The following ARHGEF4 variants were observed in gnomAD, a reference collection of about 807,000 sequenced individuals.
ARHGEF4 encodes APC-stimulated guanine nucleotide exchange factor 1.
Under a neutral mutation model 162.0 loss-of-function variants are expected in ARHGEF4, and 119 were observed. The observed-to-expected ratio is 0.73, with a 90% CI of 0.63 to 0.86. ARHGEF4 has a LOEUF of 0.86. Ranked by LOEUF, ARHGEF4 falls within the 40% of genes least tolerant of loss-of-function variation. The pLI is 0.00. For synonymous variants in ARHGEF4, 1,014 were observed against 979.9 expected, an observed-to-expected ratio of 1.03 and a Z score of -0.65; for missense variants, 2,488 against 2,456.0, an observed-to-expected ratio of 1.01 and a Z score of -0.28.
intron 4 of ARHGEF4, among the ~76,000 whole-genome samples, chr2:131,001,374 C>G (rs964365576): frequency 6.9e-6 from 1 of 145,198 alleles, no homozygotes; most frequent in Non-Finnish European, 1.5e-5. Context: ...TAACATAACA[C>G]TGGGCATGTG....
intron 5 of ARHGEF4, chr2:131,035,822 C>T (rs1690235660): frequency 1.0e-6 from 1 of 985,390 alleles, no homozygotes; most frequent in Admixed American, 6.1e-5. Flanking sequence ...CAGCTGCCCC[C>T]ACCCTGCACG....
At chr2:130,951,222 T>C (rs536694318) in intron 4 of ARHGEF4, among the ~76,000 whole-genome samples, 1 of 152,366 alleles carries the variant, frequency 6.6e-6, no homozygotes, top group Non-Finnish European at 1.5e-5. Context: ...GTAGCACTTT[T>C]CATTTCCTAC....
At chr2:130,933,735 C>G (rs1193032470) in intron 3 of ARHGEF4, among the ~76,000 whole-genome samples, 2 of 152,154 alleles carry the variant, frequency 1.3e-5, no homozygotes, top group African/African-American at 4.8e-5. Flanking sequence ...TTATCCATTG[C>G]TAGAGCATAA....
chr2:130,951,703 T>C (rs1683968828), intron 4 of ARHGEF4, among the ~76,000 whole-genome samples: 1 of 152,212 alleles, frequency 6.6e-6, no homozygotes, highest in Non-Finnish European at 1.5e-5. Context: ...TTGAGATTTG[T>C]TTTTAATGGT....
At chr2:130,923,301 C>T (rs1409400033) in intron 2 of ARHGEF4, among the ~76,000 whole-genome samples, 2 of 152,178 alleles carry the variant, frequency 1.3e-5, no homozygotes, top group Non-Finnish European at 2.9e-5. Context: ...TTTCTCTACC[C>T]CAAGGTCATG....
chr2:131,014,720 G>A (rs531584239), intron 4 of ARHGEF4, among the ~76,000 whole-genome samples: 1 of 152,342 alleles, frequency 6.6e-6, no homozygotes, highest in South Asian at 2.1e-4. Context: ...TTTAAAAGCA[G>A]TGGTCTCCCT....
chr2:130,846,663 G>T (rs1353531808), intron 1 of ARHGEF4, among the ~76,000 whole-genome samples: 1 of 152,162 alleles, frequency 6.6e-6, no homozygotes, highest in Non-Finnish European at 1.5e-5. Flanking sequence ...GAGGTGCGGG[G>T]GCAGCTCTAG....
intron 1 of ARHGEF4, chr2:130,837,313 G>GCGGGGCACT: frequency 2.8e-6 from 1 of 358,750 alleles, no homozygotes. Flanking sequence ...TCCTGGGCGC[G>GCGGGGCACT]CGGGGCACTC....
chr2:130,884,572 A>C (rs1574156752), intron 1 of ARHGEF4, among the ~76,000 whole-genome samples: 1 of 152,096 alleles, frequency 6.6e-6, no homozygotes, highest in African/African-American at 2.4e-5. Flanking sequence ...GGTGGCTGGC[A>C]TGATTTTTAA....
intron 1 of ARHGEF4, among the ~76,000 whole-genome samples, chr2:130,879,789 A>G (rs965376426): frequency 6.7e-6 from 1 of 149,090 alleles, no homozygotes; most frequent in East Asian, 1.9e-4. Flanking sequence ...TATTTTTTTT[A>G]TTTTTTTAAG....
chr2:130,983,974 ATT>A (rs1686294945), intron 4 of ARHGEF4, among the ~76,000 whole-genome samples: 1 of 152,188 alleles, frequency 6.6e-6, no homozygotes, highest in Admixed American at 6.5e-5. Context: ...TTATAAGCCA[ATT>A]TGGTAGACAC....
chr2:130,929,526 A>G (rs1459280179), intron 2 of ARHGEF4, among the ~76,000 whole-genome samples: 2 of 152,214 alleles, frequency 1.3e-5, no homozygotes, highest in African/African-American at 4.8e-5. Context: ...CACTTCCAGA[A>G]TAAGGACCCC....
In ARHGEF4 at chr2:131,035,386, C is replaced by A. The variant is rs532601826; in HGVS notation, c.4126-3467C>A. 2.5e-5 allele frequency: 23 copies of A among 912,358 alleles called. No individual in the cohort carries two copies. The South Asian group carries it at 1.1e-3, about 44-fold the overall frequency. 56.5% of individuals were successfully genotyped at this position (912,358 alleles called of 1,614,324 possible). A position where few individuals can be genotyped will look rare whatever the true frequency, so the allele number is the denominator to read the frequency against. ...TCCTTCCACCCCATGTGCTCACTAC[C>A]AGGGCCTGGTCCGGGGGTGTCGCCG... is the stretch of plus-strand genomic sequence containing the variant. On this transcript the variant is annotated intron_variant, in intron 5 of 13. Coordinates refer to ENST00000409359, the MANE Select transcript of ARHGEF4 (RefSeq NM_001367493.1).
At chr2:130,962,237 CA>C (rs11332592) in intron 4 of ARHGEF4, among the ~76,000 whole-genome samples, 109,691 of 122,408 alleles carry the variant, frequency 0.9, 49,376 homozygotes, top group Non-Finnish European at 0.98. Flanking sequence ...GTTTCCGTTT[CA>C]AAAAAAAAAA....
At chr2:130,866,702 C>A (rs918608593) in intron 1 of ARHGEF4, among the ~76,000 whole-genome samples, 2 of 152,146 alleles carry the variant, frequency 1.3e-5, no homozygotes, top group Non-Finnish European at 2.9e-5. Flanking sequence ...TTTGAACCAG[C>A]CTTGCGTACC....
At chr2:130,911,937 A>G (rs1000450560) in intron 1 of ARHGEF4, among the ~76,000 whole-genome samples, 3 of 152,182 alleles carry the variant, frequency 2.0e-5, no homozygotes, top group East Asian at 1.9e-4. Flanking sequence ...CATGTAAGCA[A>G]TGATGCCTGC....
chr2:130,960,039 A>G (rs1352103833), intron 4 of ARHGEF4, among the ~76,000 whole-genome samples: 2 of 152,218 alleles, frequency 1.3e-5, no homozygotes, highest in Non-Finnish European at 2.9e-5. Context: ...TCATACATAC[A>G]TAATCACGTT....
chr2:131,045,343 C>T (rs778444038), intron 12 of ARHGEF4, 26 bp from the exon 13 acceptor site: 12 of 1,598,426 alleles, frequency 7.5e-6, no homozygotes, highest in Middle Eastern at 1.7e-4. Flanking sequence ...AGTGGGGCAG[C>T]GCCCTCACCT....
At chr2:130,840,898 C>T (rs1253686917) in intron 1 of ARHGEF4, among the ~76,000 whole-genome samples, 1 of 152,158 alleles carries the variant, frequency 6.6e-6, no homozygotes, top group Non-Finnish European at 1.5e-5. Flanking sequence ...ACGCAGGTGA[C>T]CAGCCTCCCT....
Sources: allele counts gnomAD v4.1 joint callset (sites outside exome capture counted in the v4.1 genomes callset), GRCh38; gene constraint gnomAD v4.1.1; transcripts MANE v1.5; gene names NCBI Gene and HGNC (gene_info 2026-07-23, HGNC 2026-07-21).